The following NPC1 variants were observed in gnomAD, a reference collection of about 807,000 sequenced individuals.
The protein encoded by NPC1 is NPC intracellular cholesterol transporter 1, also known as Niemann-Pick C1 protein.
A neutral mutation model predicts 140.4 loss-of-function variants in NPC1; 85 were observed. The observed-to-expected ratio is 0.61, with a 90% CI of 0.51 to 0.72. The LOEUF (loss-of-function observed/expected upper bound fraction) is 0.72. NPC1 is among the 30% of genes least tolerant of loss of function. The pLI is 0.00. For missense variants in NPC1, 1,504 were observed against 1,623.8 expected (o/e 0.93, Z 1.27); for synonymous variants, 656 against 624.8 (o/e 1.05, Z -0.74).
chr18:23,507,234 A>C (rs1284119126), intron 3 of NPC1, among the ~76,000 whole-genome samples: 2 of 152,230 alleles, frequency 1.3e-5, no homozygotes, highest in Admixed American at 6.5e-5. Flanking sequence ...TGGGTTAAAA[A>C]AATGACCTTA....
At chr18:23,547,874 T>C (rs2145416411) in intron 11 of NPC1, 132 bp downstream of exon 11, 1 of 771,810 alleles carries the variant, frequency 1.3e-6, no homozygotes, top group Non-Finnish European at 2.4e-6. Context: ...GCATCATTAG[T>C]ACCAAGTGAA....
At chr18:23,564,939 T>G (rs1027335207) in intron 4 of NPC1, among the ~76,000 whole-genome samples, 1 of 152,234 alleles carries the variant, frequency 6.6e-6, no homozygotes, top group Admixed American at 6.5e-5. Flanking sequence ...AGAGTATTCT[T>G]TTCTCATTGA....
In NPC1 at chr18:23,536,893, G is replaced by A; in HGVS notation, c.3042-17C>T. ...GCATGTCCCCTGAGGAAAGAATCCTGGGTGTCAAGAGAGTCCAGGTCTTGC... is the reference window on the plus strand; with the variant it reads ...GCATGTCCCCTGAGGAAAGAATCCTAGGTGTCAAGAGAGTCCAGGTCTTGC... On this transcript the variant is annotated splice_polypyrimidine_tract_variant and intron_variant, in intron 20 of 24. Transcript: ENST00000269228. 2 of 1,607,840 alleles carry A rather than the reference G, an allele frequency of 1.2e-6. No individual in the cohort carries two copies. The highest frequency in any genetic ancestry group is 1.7e-6 in the Non-Finnish European group (2 of 1,175,256).
In NPC1 at chr18:23,545,068, T is replaced by C; in HGVS notation, c.1839A>G (p.Leu613=). ...FTAERSIEDE[L]NRESDSDVFT... ...AGACATCACTGTCACTTTCACGATTTAGTTCATCTTCAATACTTCGTTCAG... is the reference window on the plus strand; with the variant it reads ...AGACATCACTGTCACTTTCACGATTCAGTTCATCTTCAATACTTCGTTCAG... The change falls in exon 12 of 25, where the codon CTA becomes CTG. Residue 613 remains leucine, a synonymous_variant. Transcript: ENST00000269228. The C allele has an allele frequency of 6.2e-7, 1 of 1,612,320 alleles. No individual in the cohort carries two copies. Among genetic ancestry groups the C allele is most frequent in the Non-Finnish European group, 8.5e-7 (1 of 1,178,462 alleles).
At chr18:23,585,417 C>T (rs2059405905) in intron 1 of NPC1, among the ~76,000 whole-genome samples, 1 of 152,118 alleles carries the variant, frequency 6.6e-6, no homozygotes, top group African/African-American at 2.4e-5. Flanking sequence ...AGAGTTTTTT[C>T]TAGTCCACGG....
intron 2 of NPC1, 125 bp from the exon 3 acceptor site, chr18:23,572,305 C>T (rs890186022): frequency 8.7e-6 from 6 of 690,784 alleles, no homozygotes; most frequent in Non-Finnish European, 1.3e-5. Context: ...AAGACACATC[C>T]TGTATTTGCA....
chr18:23,564,352 C>CT (rs201248333), intron 4 of NPC1, among the ~76,000 whole-genome samples: 3,564 of 151,760 alleles, frequency 0.023, 58 homozygotes, highest in African/African-American at 0.04. Context: ...TATTCTTGTC[C>CT]TTTTTTTTGA....
At chr18:23,509,228 T>C in intron 3 of NPC1, 1 of 1,466,920 alleles carries the variant, frequency 6.8e-7, no homozygotes, top group Non-Finnish European at 9.0e-7. Context: ...TCTGCTGGAC[T>C]AGTTCAACTG....
At chr18:23,586,222 G>C in intron 1 of NPC1, 65 bp downstream of exon 1, 1 of 1,505,524 alleles carries the variant, frequency 6.6e-7, no homozygotes, top group Non-Finnish European at 8.9e-7. Flanking sequence ...TGGGCCCGTC[G>C]CCTTCCCCGG....
At position 23,536,844 on chromosome 18, in the gene NPC1, ATGTT is replaced by A; in HGVS notation, c.3070_3073del (p.Asn1024SerfsTer15). On this transcript the variant is annotated frameshift_variant, in exon 21 of 25. Coordinates refer to ENST00000269228, the MANE Select transcript of NPC1 (RefSeq NM_000271.5). LOFTEE classifies it high-confidence loss of function. ...GACCCTGGTGCCATGGCCAAGGAGGATGTTAACTGCAGAACTATAGGCAGCATGT... is the reference window on the plus strand; with the variant it reads ...GACCCTGGTGCCATGGCCAAGGAGGAAACTGCAGAACTATAGGCAGCATGT... The A allele has an allele frequency of 6.2e-7, 1 of 1,614,114 alleles. No homozygotes were observed. Among genetic ancestry groups the A allele is most frequent in the Non-Finnish European group, 8.5e-7 (1 of 1,180,010 alleles).
Position 23,509,083 on chromosome 18 carries a change from G to A in NPC1, c.432-2441C>T, listed in dbSNP as rs147454345. On this transcript the variant is annotated intron_variant, in intron 3 of 3. Coordinates refer to the NPC1 transcript ENST00000591107. ...TGTTTTGTTAATTAGTAAACATTCC[G>A]GGGAACGTTCATTAAAGAATGACAA... 2.9e-3 allele frequency: 1,104 copies of A among 386,564 alleles called. 4 individuals carry two copies. The highest frequency in any genetic ancestry group is 4.2e-3 in the Non-Finnish European group (922 of 217,058). 23.9% of individuals were successfully genotyped at this position (386,564 alleles called of 1,614,324 possible). A position where few individuals can be genotyped will look rare whatever the true frequency, so the allele number is the denominator to read the frequency against.
At chr18:23,532,351 G>A in intron 24 of NPC1, 67 bp from the exon 25 acceptor site, 2 of 1,564,244 alleles carry the variant, frequency 1.3e-6, no homozygotes, top group South Asian at 1.1e-5. Flanking sequence ...GGGCATAGTG[G>A]CTCACGCCTG....
chr18:23,584,917 G>A lies in NPC1; in HGVS notation c.57+1370C>T, dbSNP rs369057422. The stretch of plus-strand genomic sequence containing the variant: ...AACTCTAGGAGGGGCCAGGAGTGGT[G>A]CTCACAATAATCCCAGTGCTTTGGG... On this transcript the variant is annotated intron_variant, in intron 1 of 24. Coordinates refer to ENST00000269228, the MANE Select transcript of NPC1 (RefSeq NM_000271.5). Among the ~76,000 whole-genome samples, 8 of 152,292 alleles carry A rather than the reference G, an allele frequency of 5.3e-5. No homozygotes were observed. The East Asian group carries it at 1.5e-3, about 29-fold the overall frequency.
At position 23,544,333 on chromosome 18, in the gene NPC1, T is replaced by C. The variant is rs570483101; in HGVS notation, c.2130+11A>G. 3.1e-6 allele frequency: 5 copies of C among 1,613,558 alleles called. No homozygotes were observed. Among genetic ancestry groups the C allele is most frequent in the South Asian group, 1.1e-5 (1 of 91,026 alleles). On this transcript the variant is annotated intron_variant, in intron 13 of 24. Coordinates refer to ENST00000269228, the MANE Select transcript of NPC1 (RefSeq NM_000271.5). ...ACAGATGCTGAGCCCTGTGAGAATA[T>C]GGAAGTATACCTGGTAGGCCTGCAC... is the stretch of plus-strand genomic sequence containing the variant.
chr18:23,541,359 G>A lies in NPC1; in HGVS notation c.2320C>T (p.Leu774=). ...AGLAVFIDFL[L]QITCFVSLLG... ...AGACTCACGAAACAGGTAATCTGCA[G>A]AAGAAAGTCAATGAAGACTGCCAAT... The change falls in exon 15 of 25, where the codon CTG becomes TTG. Residue 774 remains leucine (L), a synonymous_variant. Coordinates refer to ENST00000269228, the MANE Select transcript of NPC1 (RefSeq NM_000271.5). The A allele has an allele frequency of 6.2e-7, 1 of 1,614,228 alleles. No homozygotes were observed.
downstream of NPC1, among the ~76,000 whole-genome samples, chr18:23,520,814 C>T (rs1311466389): frequency 6.6e-6 from 1 of 152,116 alleles, no homozygotes; most frequent in African/African-American, 2.4e-5. Context: ...AGATAAGGTT[C>T]AAGTGATTCT....
intron 13 of NPC1, among the ~76,000 whole-genome samples, chr18:23,544,017 G>A (rs930089942): frequency 2.6e-5 from 4 of 152,096 alleles, no homozygotes; most frequent in Non-Finnish European, 5.9e-5. Flanking sequence ...AACAGCAGTC[G>A]TACCCAAAAT....
chr18:23,574,973 T>A (rs550217478), intron 1 of NPC1, among the ~76,000 whole-genome samples: 1 of 152,334 alleles, frequency 6.6e-6, no homozygotes, highest in African/African-American at 2.4e-5. Flanking sequence ...TCCATCTAAC[T>A]AAAGTTTGAA....
rs190015522 is a variant in NPC1, at chr18:23,516,915, A to G, written c.432-10273T>C. ...TAGTCTTTGTATTTTTGGTAGAGAC[A>G]GGGCTTCACCATGTTGGCCAGGCTG... On this transcript the variant is annotated intron_variant, in intron 3 of 3. Coordinates refer to the NPC1 transcript ENST00000591107. 3.3e-3 allele frequency among the ~76,000 whole-genome samples: 494 copies of G among 151,972 alleles called. 3 individuals are homozygous for G. Among genetic ancestry groups the G allele is most frequent in the African/African-American group, 0.011 (468 of 41,442 alleles).
Sources: gnomAD v4.1 joint callset for allele counts (sites outside exome capture counted in the v4.1 genomes callset) on GRCh38, gnomAD v4.1.1 for gene constraint, MANE v1.5 for transcripts, NCBI Gene and HGNC (gene_info 2026-07-23, HGNC 2026-07-21) for gene names.